NRXN1: variants seen among roughly 807,000 people sequenced by gnomAD.
NRXN1 encodes neurexin-1.
NRXN1 carries 39 observed loss-of-function variants against 150.9 expected under a neutral mutation model. That is an observed-to-expected ratio of 0.26 (90% CI 0.20 to 0.34). The LOEUF is 0.34. NRXN1 is among the 10% of genes least tolerant of loss of function. The pLI is 1.00. For missense variants in NRXN1, 1,815 were observed against 1,949.9 expected, an observed-to-expected ratio of 0.93 and a Z score of 1.30; for synonymous variants, 924 against 757.0, an observed-to-expected ratio of 1.22 and a Z score of -3.62.
chr2:50,347,879 G>A lies in NRXN1; in HGVS notation c.3365-110909C>T. 1 of 981,670 alleles carries A rather than the reference G, an allele frequency of 1.0e-6. No individual in the cohort carries two copies. Among genetic ancestry groups the A allele is most frequent in the Non-Finnish European group, 1.2e-6 (1 of 826,526 alleles). The allele number at this position is 981,670 out of a possible 1,614,324, so 60.8% of individuals were successfully genotyped here. On this transcript the variant is annotated intron_variant, in intron 17 of 22. Coordinates refer to ENST00000401669, the MANE Select transcript of NRXN1 (RefSeq NM_001330078.2). The surrounding 1 kb of genome is among the most constrained non-coding windows in gnomAD (Gnocchi z 4.9). ...CGAGCCTATGTAACGAGGGAGGCTG[G>A]TCTAGCTTCCCACGAAAATCGCCCT...
chr2:50,221,418 C>G (rs2063879184), intron 18 of NRXN1, among the ~76,000 whole-genome samples: 1 of 151,998 alleles, frequency 6.6e-6, no homozygotes, highest in Non-Finnish European at 1.5e-5. Flanking sequence ...AACAAATATT[C>G]TTAATGCCTA....
At chr2:50,324,303 GA>G (rs2076243919) in intron 17 of NRXN1, among the ~76,000 whole-genome samples, 1 of 152,056 alleles carries the variant, frequency 6.6e-6, no homozygotes, top group African/African-American at 2.4e-5. Flanking sequence ...GCAAGAGAGA[GA>G]AAAATGAATT....
At chr2:50,206,228 T>C (rs2062559517) in intron 18 of NRXN1, among the ~76,000 whole-genome samples, 2 of 106,292 alleles carry the variant, frequency 1.9e-5, no homozygotes, top group South Asian at 2.8e-4. Context: ...TACACACAAA[T>C]ACACACACAC....
At chr2:50,581,614 A>C (rs1672272860) in intron 8 of NRXN1, among the ~76,000 whole-genome samples, 1 of 152,148 alleles carries the variant, frequency 6.6e-6, no homozygotes, top group Non-Finnish European at 1.5e-5. Context: ...TAATGAGGAG[A>C]AATAGGTTTA....
At chr2:50,376,557 A>G (rs557847829) in intron 17 of NRXN1, among the ~76,000 whole-genome samples, 2 of 152,212 alleles carry the variant, frequency 1.3e-5, no homozygotes, top group South Asian at 2.1e-4. Context: ...ATGTTTTTCT[A>G]TCTTGTGTTG....
rs2078134307 is a variant in NRXN1, at chr2:50,347,663, G to A, written c.3365-110693C>T. Reference sequence around the variant, plus strand: ...GGAAGAGTGCGCCCTTCTGAAGGAAGTGGGAATCGAACGGCGGAAAGGCAG... The same window carrying A: ...GGAAGAGTGCGCCCTTCTGAAGGAAATGGGAATCGAACGGCGGAAAGGCAG... On this transcript the variant is annotated intron_variant, in intron 17 of 22. Transcript: ENST00000401669. This position sits in a 1 kb window ranked among gnomAD's most constrained non-coding sequence, Gnocchi z 4.9. The A allele has an allele frequency of 2.2e-5, 22 of 987,374 alleles. No homozygotes were observed. The highest frequency in any genetic ancestry group is 2.6e-5 in the Non-Finnish European group (22 of 831,156). 61.2% of individuals were successfully genotyped at this position (987,374 alleles called of 1,614,324 possible). A position where few individuals can be genotyped will look rare whatever the true frequency, so the allele number is the denominator to read the frequency against.
chr2:50,531,547 A>T (rs74619180), intron 10 of NRXN1, 117 bp from the exon 11 acceptor site: 8,888 of 745,710 alleles, frequency 0.012, 91 homozygotes, highest in South Asian at 0.025. Context: ...CAATACTACA[A>T]AATCAATTCA....
chr2:51,001,457 T>TA (rs1401383576), intron 2 of NRXN1, among the ~76,000 whole-genome samples: 1 of 150,438 alleles, frequency 6.6e-6, no homozygotes, highest in Non-Finnish European at 1.5e-5. Flanking sequence ...ATACTGTACT[T>TA]AAAAAAAAGA....
intron 17 of NRXN1, among the ~76,000 whole-genome samples, chr2:50,345,911 C>A (rs1363119530): frequency 1.3e-5 from 2 of 152,204 alleles, no homozygotes. Context: ...CACACGTGAT[C>A]CTCCGGGAGA....
intron 21 of NRXN1, among the ~76,000 whole-genome samples, chr2:49,968,306 A>C (rs1289356197): frequency 6.6e-6 from 1 of 152,140 alleles, no homozygotes; most frequent in Non-Finnish European, 1.5e-5. Context: ...AAAAACACTT[A>C]GCAACAATGG....
chr2:50,898,239 CTT>C (rs1005602769), intron 5 of NRXN1, among the ~76,000 whole-genome samples: 1 of 152,006 alleles, frequency 6.6e-6, no homozygotes, highest in Admixed American at 6.6e-5. Context: ...CAAAAATTTT[CTT>C]TTTTTATACA....
intron 21 of NRXN1, among the ~76,000 whole-genome samples, chr2:49,965,255 C>T (rs1234060279): frequency 2.0e-5 from 3 of 151,932 alleles, no homozygotes; most frequent in Non-Finnish European, 4.4e-5. Flanking sequence ...TTATAGACAC[C>T]AGCAGGCTAT....
At chr2:50,328,529 G>A (rs2076535066) in intron 17 of NRXN1, among the ~76,000 whole-genome samples, 2 of 152,072 alleles carry the variant, frequency 1.3e-5, no homozygotes, top group Admixed American at 1.3e-4. Flanking sequence ...GAGGTCAGGA[G>A]TTCGAGACCA....
intron 5 of NRXN1, among the ~76,000 whole-genome samples, chr2:50,783,008 C>T (rs899423854): frequency 1.3e-5 from 2 of 152,114 alleles, no homozygotes; most frequent in African/African-American, 2.4e-5. Flanking sequence ...GTGTAAAGAA[C>T]CATTTTTTCC....
chr2:50,586,123 T>G (rs1006681820), intron 8 of NRXN1, among the ~76,000 whole-genome samples: 6 of 152,306 alleles, frequency 3.9e-5, no homozygotes, highest in African/African-American at 1.4e-4. Flanking sequence ...ACATTAGCCT[T>G]TTTCAGTATG....
chr2:50,618,712 T>C (rs1392306107), intron 8 of NRXN1, among the ~76,000 whole-genome samples: 1 of 151,454 alleles, frequency 6.6e-6, no homozygotes, highest in African/African-American at 2.4e-5. Context: ...TGAGGATTCC[T>C]GTAAAGCTCT....
chr2:50,521,428 A>C (rs2092786377), intron 12 of NRXN1, among the ~76,000 whole-genome samples: 1 of 152,238 alleles, frequency 6.6e-6, no homozygotes, highest in Non-Finnish European at 1.5e-5. Flanking sequence ...AATTTTAAGT[A>C]CATTAAAAAT....
At chr2:50,727,238 G>A (rs951589109) in intron 5 of NRXN1, among the ~76,000 whole-genome samples, 2 of 152,078 alleles carry the variant, frequency 1.3e-5, no homozygotes, top group Non-Finnish European at 2.9e-5. Context: ...AAGCAAAACT[G>A]CTACTTATGA....
At chr2:50,340,431 C>T (rs1418190111) in intron 17 of NRXN1, among the ~76,000 whole-genome samples, 2 of 152,112 alleles carry the variant, frequency 1.3e-5, no homozygotes, top group Admixed American at 1.3e-4. Flanking sequence ...ATCCTTGAGA[C>T]CTCAGTTGCG....
Sources: allele counts gnomAD v4.1 joint callset (sites outside exome capture counted in the v4.1 genomes callset), GRCh38; gene constraint gnomAD v4.1.1; non-coding constraint Gnocchi (gnomAD v3.1); transcripts MANE v1.5; gene names NCBI Gene and HGNC (gene_info 2026-07-23, HGNC 2026-07-21).